The following TP63 variants were observed in gnomAD, a reference collection of about 807,000 sequenced individuals.
TP63 encodes the protein tumor protein p63.
A neutral mutation model predicts 82.8 loss-of-function variants in TP63; 17 were observed. That is an observed-to-expected ratio of 0.21 (90% confidence interval 0.14 to 0.31). TP63 has a LOEUF of 0.31. TP63 is among the 10% of genes least tolerant of loss of function. The probability of loss-of-function intolerance (pLI) is 1.00; values close to 1 mark genes in which losing one functional copy is unlikely to be tolerated. For missense variants in TP63, 648 were observed against 895.3 expected (o/e 0.72, Z 3.52); for synonymous variants, 330 against 321.7 (o/e 1.03, Z -0.28).
intron 4 of TP63, among the ~76,000 whole-genome samples, chr3:189,817,471 A>T (rs1728313749): frequency 6.6e-6 from 1 of 152,142 alleles, no homozygotes; most frequent in South Asian, 2.1e-4. Flanking sequence ...GAGTATTATA[A>T]TTTTTACTTG....
intron 1 of TP63, among the ~76,000 whole-genome samples, chr3:189,665,255 T>C (rs948300481): frequency 6.6e-6 from 1 of 152,172 alleles, no homozygotes; most frequent in Non-Finnish European, 1.5e-5. Flanking sequence ...AATTGACTTA[T>C]GCTACGGTTC....
At chr3:189,746,942 C>G (rs1721422801) in intron 3 of TP63, among the ~76,000 whole-genome samples, 2 of 150,822 alleles carry the variant, frequency 1.3e-5, no homozygotes, top group African/African-American at 4.9e-5. Flanking sequence ...AAACCAAACA[C>G]TAGCAGGACT....
chr3:189,750,577 C>T (rs1246368306), intron 3 of TP63, among the ~76,000 whole-genome samples: 1 of 103,504 alleles, frequency 9.7e-6, no homozygotes, highest in East Asian at 2.3e-4. Context: ...CAAAATAGCA[C>T]ATATATCCCA....
intron 4 of TP63, among the ~76,000 whole-genome samples, chr3:189,813,165 T>G (rs1443300394): frequency 2.6e-5 from 4 of 152,198 alleles, no homozygotes; most frequent in African/African-American, 9.7e-5. Context: ...CTTTTTGTAT[T>G]CTTTGTGTTA....
intron 1 of TP63, among the ~76,000 whole-genome samples, chr3:189,730,966 A>G (rs144438942): frequency 6.6e-6 from 1 of 152,332 alleles, no homozygotes; most frequent in East Asian, 1.9e-4. Context: ...AAGTGTGGAA[A>G]CTGTTAAAAG....
chr3:189,620,689 C>T, the TP63 span, among the ~76,000 whole-genome samples: 7 of 152,148 alleles, frequency 4.6e-5, no homozygotes, highest in African/African-American at 1.7e-4. Flanking sequence ...CCAGCACGGG[C>T]CTTGTTTGTA....
At chr3:189,655,350 C>T (rs571903038) in intron 1 of TP63, among the ~76,000 whole-genome samples, 13 of 152,086 alleles carry the variant, frequency 8.5e-5, no homozygotes, top group Non-Finnish European at 1.8e-4. Flanking sequence ...GGAGAGTGGG[C>T]GTGGTGGCTC....
intron 1 of TP63, among the ~76,000 whole-genome samples, chr3:189,732,751 A>G (rs181972765): frequency 3.7e-4 from 57 of 152,328 alleles, no homozygotes; most frequent in African/African-American, 1.2e-3. Context: ...AAAACTTGCA[A>G]TTCTTCAACT....
At position 189,883,853 on chromosome 3, in the gene TP63, A is replaced by G. The variant is rs151102212; in HGVS notation, c.1350-2541A>G. Among the ~76,000 whole-genome samples, 660 of 152,262 alleles carry G rather than the reference A, an allele frequency of 4.3e-3. 5 individuals are homozygous for G. Among genetic ancestry groups the G allele is most frequent in the African/African-American group, 0.016 (647 of 41,544 alleles). On this transcript the variant is annotated intron_variant, in intron 10 of 13. Coordinates refer to ENST00000264731, the MANE Select transcript of TP63 (RefSeq NM_003722.5). ...TGAAAAATGGTAAATGAACTAATAA[A>G]ATAGTCAAAAATAATAACCATAAGC... is the stretch of plus-strand genomic sequence containing the variant.
chr3:189,627,166 C>A (rs1357808576), upstream of TP63, among the ~76,000 whole-genome samples: 2 of 152,126 alleles, frequency 1.3e-5, no homozygotes, highest in African/African-American at 4.8e-5. Flanking sequence ...TTATAGCAGT[C>A]TTGGAAGAAA....
At chr3:189,889,190 C>A in intron 11 of TP63, 150 bp from the exon 12 acceptor site, 1 of 1,092,892 alleles carries the variant, frequency 9.2e-7, no homozygotes, top group Non-Finnish European at 1.4e-6. Flanking sequence ...TAGATGTAGG[C>A]TGTTTGAAGG....
rs1560107453 is a variant in TP63, at chr3:189,682,554, ATATATATATATATATATATAT to A, written c.62+50978_62+50998del. On this transcript the variant is annotated intron_variant, in intron 1 of 13. Coordinates refer to ENST00000264731, the MANE Select transcript of TP63 (RefSeq NM_003722.5). The stretch of plus-strand genomic sequence containing the variant: ...CTAAGGGGAAAAAAAAAAAAAAAAA[ATATATATATATATATATATAT>A]ATATATATATATATATATATCCTAT... 5.1e-4 allele frequency among the ~76,000 whole-genome samples: 4 copies of A among 7,802 alleles called. 1 individual carries two copies. The highest frequency in any genetic ancestry group is 4.0e-3 in the South Asian group (1 of 248). 5.1% of individuals were successfully genotyped at this position (7,802 alleles called of 152,430 possible). A position where few individuals can be genotyped will look rare whatever the true frequency, so the allele number is the denominator to read the frequency against.
At chr3:189,765,164 T>C (rs1318605783) in intron 3 of TP63, among the ~76,000 whole-genome samples, 1 of 152,116 alleles carries the variant, frequency 6.6e-6, no homozygotes, top group Non-Finnish European at 1.5e-5. Context: ...TTTTTAGCAA[T>C]AAGCCTGTTT....
At chr3:189,840,410 T>C (rs1464215289) in intron 4 of TP63, among the ~76,000 whole-genome samples, 1 of 145,996 alleles carries the variant, frequency 6.8e-6, no homozygotes, top group Admixed American at 6.9e-5. Context: ...ATTCTTTTCT[T>C]CTCCAAATTC....
chr3:189,821,829 G>A (rs1469398103), intron 4 of TP63, among the ~76,000 whole-genome samples: 3 of 152,136 alleles, frequency 2.0e-5, no homozygotes, highest in African/African-American at 7.2e-5. Flanking sequence ...CTAATTACGA[G>A]ATATCGTATA....
In TP63 at chr3:189,897,216, T is replaced by G; in HGVS notation, c.*2714T>G. On this transcript the variant is annotated 3_prime_UTR_variant, in exon 14 of 14. Coordinates refer to ENST00000264731, the MANE Select transcript of TP63 (RefSeq NM_003722.5). ...GGGAGCCAGAAGCCAATCTACAATCTCTTTTTGTTTGCCAGGACATGCAAT... is the reference window on the plus strand; with the variant it reads ...GGGAGCCAGAAGCCAATCTACAATCGCTTTTTGTTTGCCAGGACATGCAAT... 4.7e-6 allele frequency: 1 copy of G among 210,588 alleles called. No individual in the cohort carries two copies. Among genetic ancestry groups the G allele is most frequent in the Non-Finnish European group, 9.7e-6 (1 of 103,396 alleles). The allele number at this position is 210,588 out of a possible 1,614,324, so 13.0% of individuals were successfully genotyped here. A position where few individuals can be genotyped will look rare whatever the true frequency, so the allele number is the denominator to read the frequency against.
intron 1 of TP63, among the ~76,000 whole-genome samples, chr3:189,688,229 C>G (rs1261072048): frequency 6.6e-6 from 1 of 152,094 alleles, no homozygotes; most frequent in Admixed American, 6.5e-5. Context: ...ATATTGTCTT[C>G]CTCCATTTTA....
intron 4 of TP63, among the ~76,000 whole-genome samples, chr3:189,812,788 A>G (rs1405221726): frequency 6.6e-6 from 1 of 152,204 alleles, no homozygotes; most frequent in African/African-American, 2.4e-5. Flanking sequence ...AGTTCATTGT[A>G]GTTTTGTTGA....
At chr3:189,840,871 A>G (rs1714005809) in intron 4 of TP63, among the ~76,000 whole-genome samples, 1 of 151,812 alleles carries the variant, frequency 6.6e-6, no homozygotes, top group Admixed American at 6.6e-5. Context: ...AAAAAAAAAA[A>G]AAAAAAACAA....
Sources: gnomAD v4.1 joint callset for allele counts (sites outside exome capture counted in the v4.1 genomes callset) on GRCh38, gnomAD v4.1.1 for gene constraint, MANE v1.5 for transcripts, NCBI Gene and HGNC (gene_info 2026-07-23, HGNC 2026-07-21) for gene names.